The following ANKRD11 variants were observed in gnomAD, a reference collection of about 807,000 sequenced individuals.
ANKRD11 encodes ankyrin repeat domain-containing protein 11.
A neutral mutation model predicts 195.7 loss-of-function variants in ANKRD11; 17 were observed. The observed-to-expected ratio is 0.09, with a 90% CI of 0.06 to 0.13. The LOEUF is 0.13. ANKRD11 is among the 10% of genes least tolerant of loss of function. The pLI is 1.00. For missense variants in ANKRD11, 3,735 were observed against 3,566.1 expected, an observed-to-expected ratio of 1.05 and a Z score of -1.21; for synonymous variants, 1,953 against 1,528.1, an observed-to-expected ratio of 1.28 and a Z score of -6.49.
intron 2 of ANKRD11, among the ~76,000 whole-genome samples, chr16:89,332,347 T>G (rs2038110477): frequency 6.6e-6 from 1 of 152,156 alleles, no homozygotes; most frequent in Non-Finnish European, 1.5e-5. Flanking sequence ...CCCAAGCACC[T>G]CTGGTGGGCT....
intron 2 of ANKRD11, chr16:89,321,208 G>A (rs1423276687): frequency 2.6e-5 from 4 of 152,442 alleles, no homozygotes; most frequent in African/African-American, 9.6e-5. Flanking sequence ...TGCAGAAGTG[G>A]TTACACTGAC....
At chr16:89,271,746 A>T (rs1261826479) in intron 11 of ANKRD11, 2 of 152,272 alleles carry the variant, frequency 1.3e-5, no homozygotes, top group Non-Finnish European at 2.9e-5. Flanking sequence ...ACATCAAACC[A>T]AAATGGATCA....
At chr16:89,384,874 G>C (rs1193861664) in intron 2 of ANKRD11, among the ~76,000 whole-genome samples, 1 of 72,752 alleles carries the variant, frequency 1.4e-5, no homozygotes, top group Non-Finnish European at 2.6e-5. Context: ...ATGAGAAATA[G>C]TTTTCTTTTT....
intron 1 of ANKRD11, among the ~76,000 whole-genome samples, chr16:89,440,740 C>T (rs1356282387): frequency 6.6e-6 from 1 of 152,212 alleles, no homozygotes; most frequent in Admixed American, 6.5e-5. Flanking sequence ...AGCCAGAGGA[C>T]ATCCAGGCAC....
At chr16:89,430,872 G>C (rs1428626034) in intron 1 of ANKRD11, among the ~76,000 whole-genome samples, 1 of 152,096 alleles carries the variant, frequency 6.6e-6, no homozygotes, top group Non-Finnish European at 1.5e-5. Context: ...CATCATGTTC[G>C]TCAGCCCTGC....
chr16:89,398,076 A>C (rs539228411), intron 2 of ANKRD11, among the ~76,000 whole-genome samples: 1 of 151,490 alleles, frequency 6.6e-6, no homozygotes, highest in Non-Finnish European at 1.5e-5. Context: ...TGACGCTGTG[A>C]AACAGCTGAA....
intron 3 of ANKRD11, among the ~76,000 whole-genome samples, chr16:89,315,129 C>T (rs1026702490): frequency 3.3e-5 from 5 of 152,220 alleles, no homozygotes. Flanking sequence ...ACACCATACA[C>T]GACCTCTTTG....
chr16:89,351,760 C>A (rs1290036178), intron 2 of ANKRD11, among the ~76,000 whole-genome samples: 1 of 152,144 alleles, frequency 6.6e-6, no homozygotes, highest in Non-Finnish European at 1.5e-5. Flanking sequence ...CAAGGAGTGA[C>A]GATTAAAGGT....
rs1161926054 is a variant in ANKRD11 at position 89,267,898 on chromosome 16, TC to T, written c.*579del. The T allele has an allele frequency of 6.4e-6, 1 of 156,392 alleles. No homozygotes were observed. Among genetic ancestry groups the T allele is most frequent in the African/African-American group, 2.4e-5 (1 of 41,372 alleles). The allele number at this position is 156,392 out of a possible 1,614,324, so 9.7% of individuals were successfully genotyped here. On this transcript the variant is annotated 3_prime_UTR_variant, in exon 13 of 13. Coordinates refer to ENST00000301030, the MANE Select transcript of ANKRD11 (RefSeq NM_013275.6). ...AAGATACAAACCACGCGGATTTGAC[TC>T]CATTTCAATACGGCTGGGAGTCCTG...
chr16:89,319,638 C>A (rs537748763), intron 2 of ANKRD11, among the ~76,000 whole-genome samples: 1 of 152,216 alleles, frequency 6.6e-6, no homozygotes, highest in South Asian at 2.1e-4. Context: ...CTCCATGAAC[C>A]ACCACCCTCA....
intron 2 of ANKRD11, among the ~76,000 whole-genome samples, chr16:89,357,112 G>A (rs2152047291): frequency 1.3e-5 from 2 of 152,370 alleles, no homozygotes; most frequent in South Asian, 4.1e-4. Flanking sequence ...GTCTGTAGGA[G>A]GGACAGTGTA....
At chr16:89,287,562 G>T in intron 7 of ANKRD11, 1 of 169,816 alleles carries the variant, frequency 5.9e-6, no homozygotes, top group Non-Finnish European at 1.3e-5. Flanking sequence ...GCAGCACTGA[G>T]CGAATCCCAG....
At position 89,281,933 on chromosome 16, in the gene ANKRD11, C is replaced by T. The variant is rs1347006212; in HGVS notation, c.4609G>A (p.Gly1537Ser). ...DAKLKEKFKD[G>S]AEKEKGDPVK... is the part of the protein sequence containing the mutation. ...GGGTCGCCCTTTTCTTTCTCTGCAC[C>T]GTCCTTGAATTTCTCCTTCAGTTTG... The change falls in exon 9 of 13, where the codon GGT becomes AGT. Residue 1537 changes from glycine (G) to serine (S), a missense_variant. Physicochemically the swap from Gly to Ser is moderately conservative, Grantham distance 56. Transcript: ENST00000301030. The surrounding 1 kb of genome is among the most constrained non-coding windows in gnomAD (Gnocchi z 5.5). The T allele has an allele frequency of 2.5e-6, 4 of 1,612,942 alleles. No homozygotes were observed. Among genetic ancestry groups the T allele is most frequent in the Admixed American group, 1.7e-5 (1 of 60,006 alleles).
chr16:89,479,651 A>G lies in ANKRD11; in HGVS notation c.-145+10594T>C, dbSNP rs111860326. Among the ~76,000 whole-genome samples, 443 of 146,476 alleles carry G rather than the reference A, an allele frequency of 3.0e-3. 4 individuals carry two copies. Among genetic ancestry groups the G allele is most frequent in the African/African-American group, 0.011 (427 of 39,632 alleles). On this transcript the variant is annotated intron_variant, in intron 1 of 12. Transcript: ENST00000301030. ...CTCCGCCCCCAAAAAAAATTAAATT[A>G]AATTTTAAAAAGGCCAGACGCAGTG...
At chr16:89,274,256 G>A (rs1597408177) in intron 11 of ANKRD11, among the ~76,000 whole-genome samples, 1 of 152,334 alleles carries the variant, frequency 6.6e-6, no homozygotes, top group East Asian at 1.9e-4. Context: ...GTGGGCGGGA[G>A]CCCCACAGCA....
At chr16:89,416,834 A>G (rs1286896817) in intron 2 of ANKRD11, among the ~76,000 whole-genome samples, 4 of 152,102 alleles carry the variant, frequency 2.6e-5, no homozygotes, top group African/African-American at 9.6e-5. Context: ...CATTAAGGTC[A>G]GCAGTATCCT....
At chr16:89,441,351 T>C (rs1025224016) in intron 1 of ANKRD11, among the ~76,000 whole-genome samples, 1 of 152,188 alleles carries the variant, frequency 6.6e-6, no homozygotes, top group East Asian at 1.9e-4. Context: ...ACACAGGCTC[T>C]CTTACACAGA....
chr16:89,426,084 G>C (rs1209681046), intron 1 of ANKRD11, among the ~76,000 whole-genome samples: 1 of 152,118 alleles, frequency 6.6e-6, no homozygotes, highest in African/African-American at 2.4e-5. Context: ...TGGAAGGCAG[G>C]AGAACCTTCA....
chr16:89,481,902 A>G (rs2057456501), intron 1 of ANKRD11, among the ~76,000 whole-genome samples: 1 of 151,974 alleles, frequency 6.6e-6, no homozygotes, highest in Admixed American at 6.6e-5. Context: ...TTTTTAAAAC[A>G]GAAACATAGC....
Sources: allele counts gnomAD v4.1 joint callset (sites outside exome capture counted in the v4.1 genomes callset), GRCh38; gene constraint gnomAD v4.1.1; non-coding constraint Gnocchi (gnomAD v3.1); transcripts MANE v1.5; gene names NCBI Gene and HGNC (gene_info 2026-07-23, HGNC 2026-07-21).